Variants in TNR observed in about 807,000 individuals in gnomAD.
TNR encodes the protein tenascin-R.
In TNR, 45 loss-of-function variants were observed where a neutral mutation model predicts 150.4. The ratio of observed to expected loss-of-function variants is 0.30; its 90% confidence interval spans 0.24 to 0.38. The LOEUF (loss-of-function observed/expected upper bound fraction) is 0.38. TNR is among the 10% of genes least tolerant of loss of function. TNR has a pLI of 1.00. For missense variants in TNR, 1,544 were observed against 1,759.1 expected (o/e 0.88, Z 2.19); for synonymous variants, 687 against 678.4 (o/e 1.01, Z -0.20).
At chr1:175,458,362 G>C (rs1386974491) in intron 2 of TNR, among the ~76,000 whole-genome samples, 4 of 152,180 alleles carry the variant, frequency 2.6e-5, no homozygotes, top group Admixed American at 2.0e-4. Context: ...TTTGTTCAAA[G>C]GGTATGGGAT....
At chr1:175,555,232 A>T (rs1194580927) in intron 1 of TNR, among the ~76,000 whole-genome samples, 4 of 152,118 alleles carry the variant, frequency 2.6e-5, no homozygotes, top group Non-Finnish European at 5.9e-5. Flanking sequence ...CCCCCTATAG[A>T]TACATACAGA....
chr1:175,494,150 C>T (rs984635511), intron 2 of TNR, among the ~76,000 whole-genome samples: 2 of 152,180 alleles, frequency 1.3e-5, no homozygotes, highest in African/African-American at 4.8e-5. Context: ...CACCCCGCCC[C>T]CTCCCGCCGG....
At chr1:175,660,506 T>C (rs776863260) in intron 1 of TNR, among the ~76,000 whole-genome samples, 1 of 152,246 alleles carries the variant, frequency 6.6e-6, no homozygotes, top group Non-Finnish European at 1.5e-5. Context: ...CCTCAGTCTC[T>C]CTCAGTAAAA....
chr1:175,561,860 G>T (rs564074901), intron 1 of TNR, among the ~76,000 whole-genome samples: 1 of 152,160 alleles, frequency 6.6e-6, no homozygotes, highest in Non-Finnish European at 1.5e-5. Context: ...TGTGAGGCCC[G>T]TGAGACCTGG....
intron 9 of TNR, among the ~76,000 whole-genome samples, chr1:175,372,772 C>G (rs781363946): frequency 6.6e-6 from 1 of 152,132 alleles, no homozygotes; most frequent in Non-Finnish European, 1.5e-5. Context: ...ATCAAGTGGA[C>G]ATGAGGAAAT....
chr1:175,320,647 A>G lies in TNR; in HGVS notation c.*2710T>C, dbSNP rs1228152293. On this transcript the variant is annotated 3_prime_UTR_variant, in exon 23 of 23. Transcript: ENST00000367674. Reference sequence around the variant, plus strand: ...AGGTACCTGGTCTCTGTTTTTATGGACAAAAAGAGTTCAGCCTCTCACTCG... The same window carrying G: ...AGGTACCTGGTCTCTGTTTTTATGGGCAAAAAGAGTTCAGCCTCTCACTCG... 1 of 151,822 alleles carries G rather than the reference A, an allele frequency of 6.6e-6. No homozygotes were observed. The highest frequency in any genetic ancestry group is 1.5e-5 in the Non-Finnish European group (1 of 68,016). 9.4% of individuals were successfully genotyped at this position (151,822 alleles called of 1,614,324 possible).
rs116413419 is a variant in TNR at position 175,713,968 on chromosome 1, G to C, written c.-165+29258C>G. Among the ~76,000 whole-genome samples, 165 of 152,116 alleles carry C rather than the reference G, an allele frequency of 1.1e-3. 1 individual carries two copies. The highest frequency in any genetic ancestry group is 3.8e-3 in the African/African-American group (159 of 41,486). ...ATGTTTCTACCTACACCCTCTTCCT[G>C]TCTCACTCTCCTCTCTCCCTCATGC... On this transcript the variant is annotated intron_variant, in intron 1 of 22. Coordinates refer to ENST00000367674, the MANE Select transcript of TNR (RefSeq NM_003285.3).
intron 1 of TNR, among the ~76,000 whole-genome samples, chr1:175,679,414 T>C (rs576339155): frequency 2.6e-5 from 4 of 152,234 alleles, no homozygotes; most frequent in Non-Finnish European, 5.9e-5. Flanking sequence ...GATGCTAAAG[T>C]AGCAGCTAGA....
At chr1:175,738,205 C>T (rs1450054829) in intron 1 of TNR, among the ~76,000 whole-genome samples, 1 of 152,012 alleles carries the variant, frequency 6.6e-6, no homozygotes, top group Non-Finnish European at 1.5e-5. Flanking sequence ...CCTTTTCTTA[C>T]TTGATTGGAG....
At chr1:175,461,331 A>G (rs971663456) in intron 2 of TNR, among the ~76,000 whole-genome samples, 1 of 152,174 alleles carries the variant, frequency 6.6e-6, no homozygotes, top group Non-Finnish European at 1.5e-5. Context: ...ACCTCACAGG[A>G]GGGATGACTT....
At chr1:175,449,673 G>A (rs1486744094) in intron 2 of TNR, among the ~76,000 whole-genome samples, 3 of 147,250 alleles carry the variant, frequency 2.0e-5, no homozygotes, top group African/African-American at 7.5e-5. Flanking sequence ...TTACCAACAG[G>A]TCAGAAGAAG....
At chr1:175,609,061 G>T (rs1663510751) in intron 1 of TNR, among the ~76,000 whole-genome samples, 1 of 152,202 alleles carries the variant, frequency 6.6e-6, no homozygotes, top group Admixed American at 6.5e-5. Context: ...GTGTGGTAGT[G>T]GTTCTCTGAG....
At position 175,549,230 on chromosome 1, in the gene TNR, T is replaced by C. The variant is rs188559854; in HGVS notation, c.-164-20861A>G. ...TTGGGTGAGAGAGAAGGAAATCTTG[T>C]TTTTCCTGGGCCATAACTAAAGGGA... On this transcript the variant is annotated intron_variant, in intron 1 of 22. Coordinates refer to ENST00000367674, the MANE Select transcript of TNR (RefSeq NM_003285.3). Among the ~76,000 whole-genome samples, 130 of 152,310 alleles carry C rather than the reference T, an allele frequency of 8.5e-4. No individual in the cohort carries two copies. In the East Asian group the frequency reaches 0.019, roughly 22 times the overall value.
chr1:175,421,865 C>T (rs1654768563), intron 2 of TNR, among the ~76,000 whole-genome samples: 1 of 152,308 alleles, frequency 6.6e-6, no homozygotes, highest in African/African-American at 2.4e-5. Context: ...TCCCAATATG[C>T]ATGTGGGGTT....
intron 2 of TNR, among the ~76,000 whole-genome samples, chr1:175,410,451 G>A (rs771598473): frequency 5.9e-5 from 9 of 152,316 alleles, no homozygotes; most frequent in East Asian, 5.8e-4. Context: ...AATTACCATG[G>A]CTAACAAATA....
intron 1 of TNR, among the ~76,000 whole-genome samples, chr1:175,598,061 C>T (rs544429326): frequency 1.3e-5 from 2 of 152,152 alleles, no homozygotes; most frequent in Non-Finnish European, 2.9e-5. Flanking sequence ...CAGGCCACTA[C>T]ACACAGGGCA....
At chr1:175,596,063 G>C (rs182065147) in intron 1 of TNR, among the ~76,000 whole-genome samples, 29 of 152,234 alleles carry the variant, frequency 1.9e-4, no homozygotes, top group Admixed American at 1.4e-3. Context: ...GCCCATTCTA[G>C]TTTCATTGGA....
At chr1:175,579,165 T>TTTCCCTCCTTCCTTCCTTCCTTCC (rs1662240354) in intron 1 of TNR, among the ~76,000 whole-genome samples, 7 of 134,380 alleles carry the variant, frequency 5.2e-5, no homozygotes, top group Non-Finnish European at 1.1e-4. Context: ...TCGTTCCTTC[T>TTTCCCTCCTTCCTTCCTTCCTTCC]TTCCTTCCTT....
intron 19 of TNR, among the ~76,000 whole-genome samples, chr1:175,336,522 C>A (rs750412211): frequency 1.7e-4 from 26 of 152,218 alleles, no homozygotes; most frequent in Admixed American, 4.6e-4. Context: ...CATCCTAAAG[C>A]GATCCAGCTA....
Sources: allele counts gnomAD v4.1 joint callset (sites outside exome capture counted in the v4.1 genomes callset), GRCh38; gene constraint gnomAD v4.1.1; transcripts MANE v1.5; gene names NCBI Gene and HGNC (gene_info 2026-07-23, HGNC 2026-07-21).